Variants in APTX observed in about 807,000 individuals in gnomAD.
The protein encoded by APTX is forkhead-associated domain histidine triad-like protein.
Under a neutral mutation model 42.3 loss-of-function variants are expected in APTX, and 33 were observed. The observed-to-expected ratio is 0.78, with a 90% CI of 0.59 to 1.04. APTX has a LOEUF of 1.04. Ranked by LOEUF, APTX falls within the 50% of genes least tolerant of loss-of-function variation. The pLI is 0.00. For synonymous variants in APTX, 130 were observed against 146.7 expected (o/e 0.89, Z 0.82); for missense variants, 421 against 415.1 (o/e 1.01, Z -0.12).
intron 1 of APTX, among the ~76,000 whole-genome samples, chr9:32,998,355 T>C (rs1166914059): frequency 6.6e-6 from 1 of 152,196 alleles, no homozygotes; most frequent in Non-Finnish European, 1.5e-5. Flanking sequence ...ATCTGTAACC[T>C]AATCTGGATG....
intron 1 of APTX, chr9:33,016,017 C>T (rs1469785467): frequency 6.6e-6 from 1 of 152,134 alleles, no homozygotes; most frequent in African/African-American, 2.4e-5. Flanking sequence ...TGTATATACA[C>T]AAAATGTTAT....
chr9:33,024,259 C>G (rs920601828), intron 1 of APTX, among the ~76,000 whole-genome samples: 12 of 152,188 alleles, frequency 7.9e-5, no homozygotes, highest in African/African-American at 2.9e-4. Flanking sequence ...GCAATCAGCC[C>G]ACGCTGGCGT....
chr9:32,997,944 A>G (rs1835339859), intron 1 of APTX, among the ~76,000 whole-genome samples: 1 of 152,184 alleles, frequency 6.6e-6, no homozygotes, highest in South Asian at 2.1e-4. Flanking sequence ...TGAAGAAAAG[A>G]TATGGGGGAA....
intron 4 of APTX, chr9:32,986,283 C>T: frequency 1.8e-6 from 1 of 565,128 alleles, no homozygotes; most frequent in South Asian, 1.7e-5. Context: ...GGCGTGATCA[C>T]TGCAACCTCC....
chr9:32,982,544 CTTGT>C (rs142206034), intron 6 of APTX, among the ~76,000 whole-genome samples: 1,612 of 152,116 alleles, frequency 0.011, 27 homozygotes, highest in African/African-American at 0.037. Context: ...AATAATTTTA[CTTGT>C]TTATCACCTT....
intron 1 of APTX, among the ~76,000 whole-genome samples, chr9:33,022,344 C>T (rs1043988507): frequency 6.6e-6 from 1 of 152,104 alleles, no homozygotes; most frequent in Non-Finnish European, 1.5e-5. Flanking sequence ...CAAAGAAACT[C>T]GAAACAATAA....
intron 1 of APTX, among the ~76,000 whole-genome samples, chr9:32,996,694 T>C (rs10971281): frequency 0.07 from 10,731 of 152,286 alleles, 513 homozygotes; most frequent in Non-Finnish European, 0.11. Flanking sequence ...TACATCTTAT[T>C]ATTGGATGTG....
Position 32,972,830 on chromosome 9 carries a change from A to T in APTX, c.*668T>A, listed in dbSNP as rs1010598831. On this transcript the variant is annotated 3_prime_UTR_variant, in exon 8 of 8. Transcript: ENST00000379817. ...ACTTCACAGCTCAATCATGACGAAC[A>T]TGTGGCTGTTTCCTCACAGCCAGGA... 6.6e-6 allele frequency: 3 copies of T among 453,994 alleles called. No homozygotes were observed. The highest frequency in any genetic ancestry group is 1.3e-5 in the Non-Finnish European group (3 of 226,794). The allele number at this position is 453,994 out of a possible 1,614,324, so 28.1% of individuals were successfully genotyped here.
chr9:32,985,821 T>C, intron 5 of APTX, 150 bp downstream of exon 5: 1 of 781,230 alleles, frequency 1.3e-6, no homozygotes. Context: ...ATTGCCAATG[T>C]GAAAAGCCTC....
At chr9:33,013,297 A>G (rs1035859130) in intron 1 of APTX, among the ~76,000 whole-genome samples, 1 of 152,238 alleles carries the variant, frequency 6.6e-6, no homozygotes, top group Non-Finnish European at 1.5e-5. Context: ...GAGGCACAGA[A>G]AAAATAAGTA....
At chr9:33,008,234 T>C (rs1311515157) in intron 1 of APTX, among the ~76,000 whole-genome samples, 2 of 151,006 alleles carry the variant, frequency 1.3e-5, no homozygotes, top group East Asian at 3.9e-4. Flanking sequence ...TAATTATATA[T>C]AATAATATAA....
intron 1 of APTX, among the ~76,000 whole-genome samples, chr9:32,995,503 G>A (rs772660777): frequency 6.6e-6 from 1 of 152,164 alleles, no homozygotes; most frequent in Admixed American, 6.5e-5. Flanking sequence ...ATACTTTAAT[G>A]GATGAGGAGT....
intron 1 of APTX, among the ~76,000 whole-genome samples, chr9:33,011,788 A>G (rs1837561840): frequency 6.6e-6 from 1 of 152,190 alleles, no homozygotes; most frequent in African/African-American, 2.4e-5. Context: ...CTTTCAGTCT[A>G]CTGAGGACAG....
At chr9:32,996,205 C>T (rs1225721513) in intron 1 of APTX, among the ~76,000 whole-genome samples, 1 of 151,946 alleles carries the variant, frequency 6.6e-6, no homozygotes, top group East Asian at 1.9e-4. Flanking sequence ...ACCAAACCCA[C>T]GTCTCTGAGG....
chr9:33,023,467 G>A (rs1177674246), intron 1 of APTX, among the ~76,000 whole-genome samples: 3 of 150,336 alleles, frequency 2.0e-5, no homozygotes, highest in Non-Finnish European at 4.4e-5. Context: ...CAGGTGATCC[G>A]CCACCTTGGC....
chr9:33,023,220 G>A (rs1001824635), intron 1 of APTX, among the ~76,000 whole-genome samples: 1 of 150,428 alleles, frequency 6.6e-6, no homozygotes. Flanking sequence ...CGACTTATGT[G>A]ATTTTTTTTT....
intron 1 of APTX, among the ~76,000 whole-genome samples, chr9:33,016,461 T>C (rs1377864957): frequency 6.6e-6 from 1 of 152,184 alleles, no homozygotes; most frequent in East Asian, 1.9e-4. Flanking sequence ...TTACTGCATA[T>C]CCTTTCACTC....
chr9:33,001,540 G>A (rs369791021), intron 1 of APTX, 27 bp downstream of exon 1: 30 of 1,613,508 alleles, frequency 1.9e-5, no homozygotes, highest in Non-Finnish European at 2.5e-5. Flanking sequence ...CCAGCCAGCA[G>A]AAGAGATAGG....
chr9:32,987,503 C>A, intron 4 of APTX, 41 bp downstream of exon 4: 1 of 1,610,070 alleles, frequency 6.2e-7, no homozygotes, highest in East Asian at 2.2e-5. Flanking sequence ...CATTATATTT[C>A]ATTTCTTCTC....
Sources: allele counts gnomAD v4.1 joint callset (sites outside exome capture counted in the v4.1 genomes callset), GRCh38; gene constraint gnomAD v4.1.1; transcripts MANE v1.5; gene names NCBI Gene and HGNC (gene_info 2026-07-23, HGNC 2026-07-21).